Variants in SMC6 observed in about 807,000 individuals in gnomAD.
SMC6 encodes the protein structural maintenance of chromosomes 6, also known as structural maintenance of chromosomes protein 6.
In SMC6, 79 loss-of-function variants were observed where a neutral mutation model predicts 142.2. The observed-to-expected ratio is 0.56, with a 90% confidence interval of 0.46 to 0.67. The LOEUF (loss-of-function observed/expected upper bound fraction) is 0.67. Among genes scored for constraint, SMC6 ranks in the 30% least tolerant of loss-of-function variants. The pLI is 0.00. For missense variants in SMC6, 1,072 were observed against 1,284.0 expected, an observed-to-expected ratio of 0.83 and a Z score of 2.52; for synonymous variants, 411 against 412.4, an observed-to-expected ratio of 1.00 and a Z score of 0.04.
intron 26 of SMC6, among the ~76,000 whole-genome samples, chr2:17,667,705 C>G (rs1329832510): frequency 6.6e-6 from 1 of 152,016 alleles, no homozygotes; most frequent in African/African-American, 2.4e-5. Flanking sequence ...CAAAAATTAG[C>G]CGGGCATGGT....
At chr2:17,709,048 CT>C (rs1251464380) in intron 16 of SMC6, among the ~76,000 whole-genome samples, 1 of 151,980 alleles carries the variant, frequency 6.6e-6, no homozygotes, top group Non-Finnish European at 1.5e-5. Flanking sequence ...TAGTATTATT[CT>C]CTCCACATTT....
rs779485038 is a variant in SMC6, at chr2:17,741,743, A to T, written c.121-14T>A. 1 of 1,540,926 alleles carries T rather than the reference A, an allele frequency of 6.5e-7. No homozygotes were observed. Among genetic ancestry groups the T allele is most frequent in the Non-Finnish European group, 8.9e-7 (1 of 1,122,232 alleles). ...TTCTGCTGCAGTCTATTAATAAAAAACAATGGGAGAAAATGGTCAATCTAA... is the reference window on the plus strand; with the variant it reads ...TTCTGCTGCAGTCTATTAATAAAAATCAATGGGAGAAAATGGTCAATCTAA... On this transcript the variant is annotated splice_polypyrimidine_tract_variant and intron_variant, in intron 3 of 27. Transcript: ENST00000448223.
chr2:17,713,083 T>C (rs564991266), intron 16 of SMC6, among the ~76,000 whole-genome samples: 87 of 152,328 alleles, frequency 5.7e-4, no homozygotes, highest in African/African-American at 1.9e-3. Context: ...CACTTTCTCG[T>C]AGGCCTCTCT....
At chr2:17,675,134 GTC>G (rs76525349) in intron 25 of SMC6, among the ~76,000 whole-genome samples, 7,646 of 151,528 alleles carry the variant, frequency 0.05, 311 homozygotes, top group Non-Finnish European at 0.07. Flanking sequence ...CTTTTATTTG[GTC>G]TCTGTTAGCT....
At chr2:17,676,118 G>A (rs1160415722) in intron 25 of SMC6, among the ~76,000 whole-genome samples, 1 of 152,016 alleles carries the variant, frequency 6.6e-6, no homozygotes, top group African/African-American at 2.4e-5. Context: ...GTGTCCAGTT[G>A]GCTGTTAAAT....
intron 16 of SMC6, among the ~76,000 whole-genome samples, chr2:17,709,009 C>G (rs1668688213): frequency 1.3e-5 from 2 of 151,970 alleles, no homozygotes; most frequent in African/African-American, 4.8e-5. Flanking sequence ...TTAGCTCATT[C>G]AATCCTCATA....
intron 17 of SMC6, among the ~76,000 whole-genome samples, chr2:17,707,818 T>A (rs1480028564): frequency 6.6e-6 from 1 of 150,850 alleles, no homozygotes; most frequent in Non-Finnish European, 1.5e-5. Context: ...GTAGGGAAAG[T>A]CTGGAAATAT....
At chr2:17,722,338 C>T (rs1572330170) in intron 9 of SMC6, among the ~76,000 whole-genome samples, 1 of 152,136 alleles carries the variant, frequency 6.6e-6, no homozygotes, top group Non-Finnish European at 1.5e-5. Flanking sequence ...GGATTCTACC[C>T]CTTTTCTATC....
intron 24 of SMC6, chr2:17,681,583 T>C (rs1667239670): frequency 6.6e-6 from 1 of 152,186 alleles, no homozygotes; most frequent in Non-Finnish European, 1.5e-5. Flanking sequence ...AATATTGCTG[T>C]GTCTCAGGGA....
At chr2:17,721,117 G>T in intron 10 of SMC6, 25 bp downstream of exon 10, 1 of 1,610,494 alleles carries the variant, frequency 6.2e-7, no homozygotes, top group South Asian at 1.1e-5. Flanking sequence ...ATAGATACGT[G>T]AACAAGTAAT....
At position 17,665,552 on chromosome 2, in the gene SMC6, T is replaced by C. The variant is rs1666456622; in HGVS notation, c.3223A>G (p.Thr1075Ala). 9.3e-6 allele frequency: 15 copies of C among 1,611,836 alleles called. No individual in the cohort carries two copies. Among genetic ancestry groups the C allele is most frequent in the Non-Finnish European group, 1.3e-5 (15 of 1,178,854 alleles). The stretch of plus-strand genomic sequence containing the variant: ...GTCACAGGTCTGAAAGGCAATGTAG[T>C]TTGTCCTCTTTCAGGATCAGACATT... ...LRMSDPERGQ[T>A]TLPFRPVTQE... The change falls in exon 28 of 28, where the codon ACT becomes GCT. Residue 1075 changes from threonine to alanine, a missense_variant. Thr to Ala is a moderately conservative substitution (Grantham distance 58, BLOSUM62 0). Coordinates refer to ENST00000448223, the MANE Select transcript of SMC6 (RefSeq NM_001142286.2).
chr2:17,730,667 A>G (rs894224689), intron 7 of SMC6, among the ~76,000 whole-genome samples: 1 of 151,256 alleles, frequency 6.6e-6, no homozygotes, highest in Non-Finnish European at 1.5e-5. Flanking sequence ...CAGTGGCACA[A>G]TCTTGGCTCA....
At chr2:17,690,964 A>G (rs1667683540) in intron 23 of SMC6, among the ~76,000 whole-genome samples, 1 of 151,998 alleles carries the variant, frequency 6.6e-6, no homozygotes, top group African/African-American at 2.4e-5. Flanking sequence ...TACTAAAAAA[A>G]AAACGCTGAG....
intron 3 of SMC6, among the ~76,000 whole-genome samples, chr2:17,743,497 C>T (rs1670576827): frequency 6.6e-6 from 1 of 152,040 alleles, no homozygotes; most frequent in South Asian, 2.1e-4. Context: ...ATCCTATATA[C>T]CCCCTACCCC....
chr2:17,670,046 T>C (rs1313019561), intron 26 of SMC6, among the ~76,000 whole-genome samples: 1 of 152,204 alleles, frequency 6.6e-6, no homozygotes, highest in Non-Finnish European at 1.5e-5. Flanking sequence ...AAACAGTGGC[T>C]AGGGTGAGTC....
chr2:17,704,391 G>T (rs1668407253), intron 18 of SMC6, among the ~76,000 whole-genome samples: 1 of 152,172 alleles, frequency 6.6e-6, no homozygotes, highest in South Asian at 2.1e-4. Flanking sequence ...ACAATAAGAA[G>T]ATATGGAGAA....
chr2:17,712,088 T>C (rs894616981), intron 16 of SMC6, among the ~76,000 whole-genome samples: 1 of 152,182 alleles, frequency 6.6e-6, no homozygotes, highest in African/African-American at 2.4e-5. Context: ...GGTGTCATAG[T>C]AACAAAAGGA....
intron 5 of SMC6, 40 bp from the exon 6 acceptor site, chr2:17,731,917 G>A: frequency 6.3e-7 from 1 of 1,586,338 alleles, no homozygotes; most frequent in Non-Finnish European, 8.6e-7. Flanking sequence ...TGAAGATACA[G>A]TGTAATTACA....
At chr2:17,731,477 T>C (rs991204138) in intron 6 of SMC6, among the ~76,000 whole-genome samples, 2 of 152,252 alleles carry the variant, frequency 1.3e-5, no homozygotes, top group Admixed American at 6.5e-5. Context: ...CCTGGTGTGA[T>C]AGGAAGTCTG....
Sources: gnomAD v4.1 joint callset for allele counts (sites outside exome capture counted in the v4.1 genomes callset) on GRCh38, gnomAD v4.1.1 for gene constraint, MANE v1.5 for transcripts, NCBI Gene and HGNC (gene_info 2026-07-23, HGNC 2026-07-21) for gene names.